Variants in CEMIP2 observed in about 807,000 individuals in gnomAD.
CEMIP2 encodes cell migration inducing hyaluronidase 2.
CEMIP2 carries 79 observed loss-of-function variants against 146.9 expected under a neutral mutation model. The ratio of observed to expected loss-of-function variants is 0.54; its 90% CI spans 0.45 to 0.65. The LOEUF (loss-of-function observed/expected upper bound fraction) is 0.65, where lower values mean the gene tolerates loss of function less well. Among genes scored for constraint, CEMIP2 ranks in the 30% least tolerant of loss-of-function variants. CEMIP2 has a pLI of 0.00. For missense variants in CEMIP2, 1,596 were observed against 1,696.2 expected (o/e 0.94, Z 1.04); for synonymous variants, 601 against 606.3 (o/e 0.99, Z 0.13).
At chr9:71,728,654 C>T (rs7862438) in intron 10 of CEMIP2, among the ~76,000 whole-genome samples, 2,469 of 151,880 alleles carry the variant, frequency 0.016, 67 homozygotes, top group African/African-American at 0.055. Context: ...TTCATCATAA[C>T]GAGTTTTGCT....
rs1463210481 is a variant in CEMIP2 at position 71,728,285 on chromosome 9, A to G, written c.2049+1560T>C. ...CGTATATATATATATATATATGTATATATATATATATATATACATATATAT... is the reference window on the plus strand; with the variant it reads ...CGTATATATATATATATATATGTATGTATATATATATATATACATATATAT... On this transcript the variant is annotated intron_variant, in intron 10 of 23. Coordinates refer to ENST00000377044, the MANE Select transcript of CEMIP2 (RefSeq NM_013390.3). Among the ~76,000 whole-genome samples, 212 of 27,302 alleles carry G rather than the reference A, an allele frequency of 7.8e-3. 47 individuals are homozygous for G. Among genetic ancestry groups the G allele is most frequent in the African/African-American group, 0.021 (195 of 9,104 alleles). The allele number at this position is 27,302 out of a possible 152,430, so 17.9% of individuals were successfully genotyped here.
chr9:71,711,478 G>A (rs778407665), intron 16 of CEMIP2, among the ~76,000 whole-genome samples: 3 of 151,918 alleles, frequency 2.0e-5, no homozygotes, highest in Non-Finnish European at 4.4e-5. Flanking sequence ...GCTGAGGTGG[G>A]AGGATGGCTT....
rs79990388 is a variant in CEMIP2, at chr9:71,768,361, C to T, written c.-17G>A. 0.064 allele frequency: 9,766 copies of T among 151,962 alleles called. 472 individuals are homozygous for T. Among genetic ancestry groups the T allele is most frequent in the Non-Finnish European group, 0.091 (6,193 of 67,980 alleles). 9.4% of individuals were successfully genotyped at this position (151,962 alleles called of 1,614,324 possible). A position where few individuals can be genotyped will look rare whatever the true frequency, so the allele number is the denominator to read the frequency against. ...GGTGACCGAGTCGCTTCTTACCTTC[C>T]CCTACCCCGCTTAGCGTCCGTTAAC... On this transcript the variant is annotated 5_prime_UTR_variant, in exon 1 of 24. Transcript: ENST00000377044.
intron 3 of CEMIP2, 84 bp from the exon 4 acceptor site, chr9:71,745,663 C>T (rs966249735): frequency 3.7e-6 from 5 of 1,339,366 alleles, no homozygotes; most frequent in Admixed American, 2.4e-5. Flanking sequence ...AAGTTAAATA[C>T]ACTTCCGCAA....
chr9:71,765,286 A>T (rs564543797), intron 1 of CEMIP2, among the ~76,000 whole-genome samples: 70 of 152,364 alleles, frequency 4.6e-4, no homozygotes, highest in African/African-American at 1.6e-3. Flanking sequence ...ATATCTATTT[A>T]TAGCTTTAAA....
chr9:71,716,655 T>C, intron 13 of CEMIP2, 103 bp from the exon 14 acceptor site: 11 of 1,010,116 alleles, frequency 1.1e-5, no homozygotes, highest in Non-Finnish European at 1.6e-5. Context: ...AAGGTCCCAA[T>C]ATTTACTCTC....
chr9:71,765,293 T>TA (rs1824757543), intron 1 of CEMIP2, among the ~76,000 whole-genome samples: 1 of 152,214 alleles, frequency 6.6e-6, no homozygotes, highest in Non-Finnish European at 1.5e-5. Context: ...TTTATAGCTT[T>TA]AAAAAACTTT....
chr9:71,728,271 ATATATATATG>A (rs1248781912), intron 10 of CEMIP2, among the ~76,000 whole-genome samples: 2 of 11,268 alleles, frequency 1.8e-4, no homozygotes, highest in African/African-American at 3.2e-4. Context: ...GTATATATAT[ATATATATATG>A]TATATATATA....
intron 17 of CEMIP2, among the ~76,000 whole-genome samples, chr9:71,708,249 GC>G (rs1340443558): frequency 6.6e-6 from 1 of 152,118 alleles, no homozygotes; most frequent in South Asian, 2.1e-4. Context: ...GAGGGTGGGG[GC>G]AGGATCTGCT....
At chr9:71,723,833 C>A (rs1823311156) in intron 11 of CEMIP2, among the ~76,000 whole-genome samples, 1 of 152,056 alleles carries the variant, frequency 6.6e-6, no homozygotes, top group African/African-American at 2.4e-5. Flanking sequence ...ATGAGTTATT[C>A]CAAAATGACA....
At chr9:71,749,882 T>G (rs1164799973) in intron 2 of CEMIP2, 161 bp downstream of exon 2, 1 of 605,392 alleles carries the variant, frequency 1.7e-6, no homozygotes, top group East Asian at 2.9e-5. Context: ...CAACAGATTA[T>G]TGAACAATTG....
intron 22 of CEMIP2, among the ~76,000 whole-genome samples, chr9:71,687,638 G>A (rs1222697702): frequency 6.6e-6 from 1 of 151,814 alleles, no homozygotes; most frequent in East Asian, 1.9e-4. Context: ...AGACCAGCCT[G>A]GGAAACACAG....
chr9:71,743,029 G>T (rs1353652104), intron 4 of CEMIP2, among the ~76,000 whole-genome samples: 3 of 152,088 alleles, frequency 2.0e-5, no homozygotes, highest in Non-Finnish European at 2.9e-5. Flanking sequence ...GACCAGCCTG[G>T]TCAATAGAGT....
At position 71,683,619 on chromosome 9, in the gene CEMIP2, C is replaced by CAAA. The variant is rs10657343; in HGVS notation, c.*1575_*1577dup. Reference sequence around the variant, plus strand: ...AGGTAAGATCTCATTCATCAATATACAAAAAAAAAAAACAAACCAGAAAAC... The same window carrying CAAA: ...AGGTAAGATCTCATTCATCAATATACAAAAAAAAAAAAAAACAAACCAGAAAAC... On this transcript the variant is annotated 3_prime_UTR_variant, in exon 24 of 24. Coordinates refer to ENST00000377044, the MANE Select transcript of CEMIP2 (RefSeq NM_013390.3). 367 of 136,924 alleles carry CAAA rather than the reference C, an allele frequency of 2.7e-3. No homozygotes were observed. The highest frequency in any genetic ancestry group is 3.2e-3 in the Non-Finnish European group (209 of 64,698). The allele number at this position is 136,924 out of a possible 1,614,324, so 8.5% of individuals were successfully genotyped here.
chr9:71,762,312 GC>G (rs1824657418), intron 1 of CEMIP2, among the ~76,000 whole-genome samples: 1 of 151,970 alleles, frequency 6.6e-6, no homozygotes, highest in African/African-American at 2.4e-5. Flanking sequence ...ACTTCACTTA[GC>G]CGAATAGGGA....
chr9:71,763,209 T>C (rs966442462), intron 1 of CEMIP2, among the ~76,000 whole-genome samples: 2 of 152,094 alleles, frequency 1.3e-5, no homozygotes, highest in African/African-American at 4.8e-5. Context: ...TGTGAAAAAA[T>C]GATTCATTCT....
chr9:71,719,309 A>G (rs1214266012), intron 12 of CEMIP2, among the ~76,000 whole-genome samples: 1 of 152,176 alleles, frequency 6.6e-6, no homozygotes, highest in Non-Finnish European at 1.5e-5. Flanking sequence ...AGCAAGTGCA[A>G]ATGTCCTTAG....
chr9:71,705,512 C>G (rs1822707384), intron 17 of CEMIP2, among the ~76,000 whole-genome samples: 1 of 152,084 alleles, frequency 6.6e-6, no homozygotes, highest in Admixed American at 6.6e-5. Flanking sequence ...AAAGCAGCAG[C>G]AGAATATTGA....
At chr9:71,692,939 A>ACAACAACAACAAC (rs58273268) in intron 21 of CEMIP2, among the ~76,000 whole-genome samples, 1 of 150,614 alleles carries the variant, frequency 6.6e-6, no homozygotes, top group African/African-American at 2.4e-5. Flanking sequence ...AACAACAACA[A>ACAACAACAACAAC]AAACCAAGAG....
Sources: gnomAD v4.1 joint callset for allele counts (sites outside exome capture counted in the v4.1 genomes callset) on GRCh38, gnomAD v4.1.1 for gene constraint, MANE v1.5 for transcripts, NCBI Gene and HGNC (gene_info 2026-07-23, HGNC 2026-07-21) for gene names.